Variants in C4orf51 observed in about 807,000 individuals in gnomAD.
The protein encoded by C4orf51 is chromosome 4 open reading frame 51, also known as uncharacterized protein C4orf51.
Under a neutral mutation model 25.2 loss-of-function variants are expected in C4orf51, and 25 were observed. That is an observed-to-expected ratio of 0.99 (90% CI 0.72 to 1.39). The LOEUF (loss-of-function observed/expected upper bound fraction) is 1.39. C4orf51 is among the 40% of genes most tolerant of loss of function. The pLI is 0.00. For missense variants in C4orf51, 252 were observed against 239.6 expected, an observed-to-expected ratio of 1.05 and a Z score of -0.34; for synonymous variants, 100 against 84.5, an observed-to-expected ratio of 1.18 and a Z score of -1.01.
chr4:145,761,662 G>A lies in C4orf51; in HGVS notation n.167-9326G>A, dbSNP rs1236347031. On this transcript the variant is annotated intron_variant and non_coding_transcript_variant, in intron 1 of 1. Coordinates refer to the C4orf51 transcript ENST00000510096. This position sits in a 1 kb window ranked among gnomAD's most constrained non-coding sequence, Gnocchi z 6.8. ...AGGTTCGGAGGCAGCCGCGCTTCTCGCCGCCTCACCAGCCTTCCCTCACAC... is the reference window on the plus strand; with the variant it reads ...AGGTTCGGAGGCAGCCGCGCTTCTCACCGCCTCACCAGCCTTCCCTCACAC... The A allele has an allele frequency of 3.1e-5, 32 of 1,034,282 alleles. No homozygotes were observed. The highest frequency in any genetic ancestry group is 3.8e-5 in the Non-Finnish European group (30 of 784,022). 64.1% of individuals were successfully genotyped at this position (1,034,282 alleles called of 1,614,324 possible).
chr4:145,771,824 G>A (rs920999359), downstream of C4orf51, among the ~76,000 whole-genome samples: 3 of 152,198 alleles, frequency 2.0e-5, no homozygotes, highest in African/African-American at 4.8e-5. Context: ...ACAAGATAGC[G>A]TGGCAGATTT....
intron 1 of C4orf51, among the ~76,000 whole-genome samples, chr4:145,766,844 G>A (rs1735379394): frequency 6.6e-6 from 1 of 152,106 alleles, no homozygotes; most frequent in African/African-American, 2.4e-5. Flanking sequence ...AACTAAGAAA[G>A]GTCTCTTAGT....
chr4:145,771,765 C>A (rs541393081), downstream of C4orf51, among the ~76,000 whole-genome samples: 2 of 152,150 alleles, frequency 1.3e-5, no homozygotes, highest in Non-Finnish European at 2.9e-5. Context: ...AAACAAAATG[C>A]GTGCTGTTGA....
chr4:145,721,181 C>T (rs1269935179), intron 2 of C4orf51, among the ~76,000 whole-genome samples: 2 of 151,592 alleles, frequency 1.3e-5, no homozygotes, highest in African/African-American at 4.8e-5. Flanking sequence ...CCCGTCTCTA[C>T]TAAAAATACA....
At chr4:145,705,232 C>A (rs1730727273) in intron 2 of C4orf51, among the ~76,000 whole-genome samples, 1 of 152,212 alleles carries the variant, frequency 6.6e-6, no homozygotes, top group Admixed American at 6.5e-5. Context: ...TCATCAAACT[C>A]CTGAGATCTT....
chr4:145,748,792 G>C (rs866913692), intron 1 of C4orf51, among the ~76,000 whole-genome samples: 1 of 151,964 alleles, frequency 6.6e-6, no homozygotes. Context: ...CTAACATATG[G>C]TCTATCCTTC....
intron 2 of C4orf51, among the ~76,000 whole-genome samples, chr4:145,722,548 G>A (rs1216163790): frequency 6.6e-6 from 1 of 152,152 alleles, no homozygotes; most frequent in Non-Finnish European, 1.5e-5. Flanking sequence ...TCATGAAAGA[G>A]ATTTGCTCTC....
intron 2 of C4orf51, among the ~76,000 whole-genome samples, chr4:145,706,962 C>T (rs530028621): frequency 7.9e-5 from 12 of 152,186 alleles, no homozygotes; most frequent in South Asian, 2.1e-4. Flanking sequence ...CAGGTGCCCA[C>T]GACCACGCCC....
chr4:145,781,195 C>CAAAAAAAAAAAAAAAAAAAAGAAAAAAA, the C4orf51 span, among the ~76,000 whole-genome samples: 1 of 56,546 alleles, frequency 1.8e-5, no homozygotes, highest in Non-Finnish European at 2.8e-5. Flanking sequence ...GACACCATCT[C>CAAAAAAAAAAAAAAAAAAAAGAAAAAAA]AAAAAAAAAA....
chr4:145,718,243 A>G (rs751675976), intron 2 of C4orf51, among the ~76,000 whole-genome samples: 2 of 152,248 alleles, frequency 1.3e-5, no homozygotes, highest in Non-Finnish European at 2.9e-5. Context: ...AGTAAAGTCC[A>G]GATATGAAAA....
intron 2 of C4orf51, among the ~76,000 whole-genome samples, chr4:145,714,180 G>T (rs1387102195): frequency 6.6e-6 from 1 of 152,150 alleles, no homozygotes; most frequent in Non-Finnish European, 1.5e-5. Context: ...AAGTTCATGT[G>T]ACCCACTTTA....
rs202227019 is a variant in C4orf51, at chr4:145,692,953, G to GTTTTTTTTTTTTTTTTTTTT, written c.234-3599_234-3580dup. ...TTACTCCGCTGATATTAAGTTTTTAGTTTTTTTTTTTTTTTTTTTTTTTTT... is the reference window on the plus strand; with the variant it reads ...TTACTCCGCTGATATTAAGTTTTTAGTTTTTTTTTTTTTTTTTTTTTTTTTTTTTTTTTTTTTTTTTTTTT... On this transcript the variant is annotated intron_variant, in intron 1 of 5. Transcript: ENST00000438731. Among the ~76,000 whole-genome samples the GTTTTTTTTTTTTTTTTTTTT allele has an allele frequency of 1.5e-4, 15 of 100,970 alleles. 2 individuals carry two copies. The highest frequency in any genetic ancestry group is 3.5e-4 in the South Asian group (1 of 2,842). The allele number at this position is 100,970 out of a possible 152,430, so 66.2% of individuals were successfully genotyped here. A position where few individuals can be genotyped will look rare whatever the true frequency, so the allele number is the denominator to read the frequency against.
chr4:145,763,312 G>A lies in C4orf51; in HGVS notation n.167-7676G>A, dbSNP rs746851497. On this transcript the variant is annotated intron_variant and non_coding_transcript_variant, in intron 1 of 1. Coordinates refer to the C4orf51 transcript ENST00000510096. This position sits in a 1 kb window ranked among gnomAD's most constrained non-coding sequence, Gnocchi z 4.6. ...AGGCAAAGTGCTAAGGGTTTTCCGT[G>A]CTCCCGTTATTTTCTTAAAGACACT... 1.3e-5 allele frequency among the ~76,000 whole-genome samples: 2 copies of A among 152,176 alleles called. No individual in the cohort carries two copies. Among genetic ancestry groups the A allele is most frequent in the African/African-American group, 2.4e-5 (1 of 41,438 alleles).
chr4:145,784,973 C>T, the C4orf51 span, among the ~76,000 whole-genome samples: 1 of 152,198 alleles, frequency 6.6e-6, no homozygotes, highest in Non-Finnish European at 1.5e-5. Context: ...CCTGGCTACT[C>T]GGTATTATGT....
intron 1 of C4orf51, 75 bp downstream of exon 1, chr4:145,680,511 T>C: frequency 9.1e-7 from 1 of 1,100,960 alleles, no homozygotes; most frequent in Non-Finnish European, 1.3e-6. Context: ...GAAAGAGGTA[T>C]TGTAGACCCT....
At chr4:145,690,337 C>T (rs1425498647) in intron 1 of C4orf51, among the ~76,000 whole-genome samples, 1 of 151,194 alleles carries the variant, frequency 6.6e-6, no homozygotes, top group African/African-American at 2.4e-5. Context: ...AACCTCGTCT[C>T]TACTAAAAAT....
chr4:145,698,495 G>A (rs1730217729), intron 2 of C4orf51, among the ~76,000 whole-genome samples: 1 of 152,226 alleles, frequency 6.6e-6, no homozygotes, highest in African/African-American at 2.4e-5. Flanking sequence ...TAAAGACCTG[G>A]AGTAGAACAG....
chr4:145,727,032 T>A, intron 3 of C4orf51, 63 bp downstream of exon 3: 1 of 1,264,116 alleles, frequency 7.9e-7, no homozygotes, highest in Non-Finnish European at 1.1e-6. Context: ...ATACACTGCA[T>A]ATTATTCATT....
chr4:145,709,037 GAGA>G (rs2126722723), intron 2 of C4orf51, among the ~76,000 whole-genome samples: 1 of 152,312 alleles, frequency 6.6e-6, no homozygotes, highest in East Asian at 1.9e-4. Flanking sequence ...GGGAGGATGT[GAGA>G]AGAATACTCA....
Sources: allele counts gnomAD v4.1 joint callset (sites outside exome capture counted in the v4.1 genomes callset), GRCh38; gene constraint gnomAD v4.1.1; non-coding constraint Gnocchi (gnomAD v3.1); transcripts MANE v1.5; gene names NCBI Gene and HGNC (gene_info 2026-07-23, HGNC 2026-07-21).